The following REM1 variants were observed in gnomAD, a reference collection of about 807,000 sequenced individuals.
REM1 encodes RRAD and GEM like GTPase 1.
A neutral mutation model predicts 27.0 loss-of-function variants in REM1; 20 were observed. The observed-to-expected ratio is 0.74, with a 90% CI of 0.52 to 1.08. The LOEUF is 1.08. Ranked by LOEUF, REM1 falls within the 50% of genes least tolerant of loss-of-function variation. REM1 has a pLI of 0.00. For missense variants in REM1, 405 were observed against 407.0 expected (o/e 1.00, Z 0.04); for synonymous variants, 159 against 167.9 (o/e 0.95, Z 0.41).
At chr20:31,476,924 A>C in intron 2 of REM1, 139 bp downstream of exon 2, 1 of 699,388 alleles carries the variant, frequency 1.4e-6, no homozygotes, top group Non-Finnish European at 2.3e-6. Context: ...AGACTATGAC[A>C]TGCACGATGC....
In REM1 at chr20:31,484,154, C is replaced by A; in HGVS notation, c.626-5C>A. ...ACCCCTCCTCGCCGGGCCCCGCCCCCTTAGAGGGCCGCGCCTGCGCTGTGG... is the reference window on the plus strand; with the variant it reads ...ACCCCTCCTCGCCGGGCCCCGCCCCATTAGAGGGCCGCGCCTGCGCTGTGG... On this transcript the variant is annotated splice_region_variant and splice_polypyrimidine_tract_variant and intron_variant, in intron 4 of 4. Coordinates refer to ENST00000201979, the MANE Select transcript of REM1 (RefSeq NM_014012.6). The A allele has an allele frequency of 6.4e-7, 1 of 1,574,578 alleles. No individual in the cohort carries two copies.
At position 31,476,426 on chromosome 20, in the gene REM1, C is replaced by G; in HGVS notation, c.-20C>G. 6.5e-7 allele frequency: 1 copy of G among 1,531,680 alleles called. No individual in the cohort carries two copies. The highest frequency in any genetic ancestry group is 8.8e-7 in the Non-Finnish European group (1 of 1,140,238). 94.9% of individuals were successfully genotyped at this position (1,531,680 alleles called of 1,614,324 possible). A position where few individuals can be genotyped will look rare whatever the true frequency, so the allele number is the denominator to read the frequency against. ...CTTTCAGAAGGAAAGAAGGAAGAAG[C>G]AAACCCCCCCCTACCAAAGATGACA... is the stretch of plus-strand genomic sequence containing the variant. On this transcript the variant is annotated 5_prime_UTR_variant, in exon 2 of 5. Transcript: ENST00000201979.
rs371189147 is a variant in REM1 at position 31,476,382 on chromosome 20, T to C, written c.-64T>C. ...AAAGAAGCAGCTCAAAGCAATTGGC[T>C]GACAGCCAATTCCCCCTTCTTTCAG... On this transcript the variant is annotated 5_prime_UTR_variant, in exon 2 of 5. Transcript: ENST00000201979. The C allele has an allele frequency of 2.2e-6, 3 of 1,346,700 alleles. No homozygotes were observed. Among genetic ancestry groups the C allele is most frequent in the East Asian group, 4.6e-5 (2 of 43,292 alleles). 83.4% of individuals were successfully genotyped at this position (1,346,700 alleles called of 1,614,324 possible).
rs1358405412 is a variant in REM1 at position 31,484,762 on chromosome 20, T to C, written c.*332T>C. On this transcript the variant is annotated 3_prime_UTR_variant, in exon 5 of 5. Transcript: ENST00000201979. ...AACCAGACCAGAAGGATGTCCCATC[T>C]GAATGCCCAGACCTCTCCATCTCGG... 1.3e-5 allele frequency: 4 copies of C among 304,358 alleles called. No homozygotes were observed. Among genetic ancestry groups the C allele is most frequent in the Admixed American group, 5.2e-5 (1 of 19,412 alleles). The allele number at this position is 304,358 out of a possible 1,614,324, so 18.9% of individuals were successfully genotyped here. A position where few individuals can be genotyped will look rare whatever the true frequency, so the allele number is the denominator to read the frequency against.
chr20:31,484,792 TCCAGGCG>T lies in REM1; in HGVS notation c.*363_*369del. On this transcript the variant is annotated 3_prime_UTR_variant, in exon 5 of 5. Transcript: ENST00000201979. Reference sequence around the variant, plus strand: ...GCCCAGACCTCTCCATCTCGGCTCTTCCAGGCGTCTCCACCTACTGCCCTCCCATCTA... The same window carrying T: ...GCCCAGACCTCTCCATCTCGGCTCTTTCTCCACCTACTGCCCTCCCATCTA... 4.3e-6 allele frequency: 1 copy of T among 232,504 alleles called. No homozygotes were observed. The highest frequency in any genetic ancestry group is 1.2e-4 in the South Asian group (1 of 8,272). The allele number at this position is 232,504 out of a possible 1,614,324, so 14.4% of individuals were successfully genotyped here.
chr20:31,484,022 C>G, intron 4 of REM1, 137 bp from the exon 5 acceptor site: 1 of 987,114 alleles, frequency 1.0e-6, no homozygotes, highest in Non-Finnish European at 1.4e-6. Flanking sequence ...TCTGATTTAT[C>G]TGAGTCCCCA....
chr20:31,476,231 A>G lies in REM1; in HGVS notation c.-215A>G. ...ACTCCTTCCATCCGGATCCAGGTTT[A>G]TGCAGAGCCTGAGGCCAGAAAACCT... On this transcript the variant is annotated 5_prime_UTR_variant, in exon 2 of 5. An upstream start codon of the reference 5' UTR is lost. Transcript: ENST00000201979. 1.8e-6 allele frequency: 1 copy of G among 546,396 alleles called. No individual in the cohort carries two copies. The highest frequency in any genetic ancestry group is 2.8e-5 in the South Asian group (1 of 35,760). The allele number at this position is 546,396 out of a possible 1,614,324, so 33.8% of individuals were successfully genotyped here.
intron 1 of REM1, among the ~76,000 whole-genome samples, 171 bp from the exon 2 acceptor site, chr20:31,476,056 G>A (rs1372913827): frequency 6.6e-6 from 1 of 152,200 alleles, no homozygotes; most frequent in African/African-American, 2.4e-5. Context: ...GGGCAGGTCC[G>A]TGTACACGGA....
chr20:31,476,926 G>T (rs1477391870), intron 2 of REM1, 141 bp downstream of exon 2: 6 of 697,262 alleles, frequency 8.6e-6, no homozygotes, highest in Non-Finnish European at 1.4e-5. Context: ...ACTATGACAT[G>T]CACGATGCCC....
intron 3 of REM1, among the ~76,000 whole-genome samples, chr20:31,478,808 TCTACAAAATC>T (rs1980615509): frequency 6.6e-6 from 1 of 151,578 alleles, no homozygotes; most frequent in Non-Finnish European, 1.5e-5. Flanking sequence ...CAAACCCAGA[TCTACAAAATC>T]TTTGTAGATC....
intron 3 of REM1, among the ~76,000 whole-genome samples, chr20:31,482,016 G>T (rs1405350327): frequency 2.6e-5 from 4 of 152,182 alleles, no homozygotes; most frequent in Admixed American, 2.6e-4. Flanking sequence ...AATTTTGCCT[G>T]CACTACCCAG....
At position 31,475,739 on chromosome 20, in the gene REM1, C is replaced by T. The variant is rs149064059; in HGVS notation, c.-220+373C>T. Among the ~76,000 whole-genome samples, 11 of 152,350 alleles carry T rather than the reference C, an allele frequency of 7.2e-5. No homozygotes were observed. Among genetic ancestry groups the T allele is most frequent in the African/African-American group, 2.6e-4 (11 of 41,584 alleles). Reference sequence around the variant, plus strand: ...CAAAAGCAGTTGGAGGCCGTAGCGCCAGCCGCTCCTGAATTTTTCACACAG... The same window carrying T: ...CAAAAGCAGTTGGAGGCCGTAGCGCTAGCCGCTCCTGAATTTTTCACACAG... On this transcript the variant is annotated intron_variant, in intron 1 of 4. Transcript: ENST00000201979. The surrounding 1 kb of genome is among the most constrained non-coding windows in gnomAD (Gnocchi z 5.0).
At position 31,476,471 on chromosome 20, in the gene REM1, C is replaced by T. The variant is rs1980504452; in HGVS notation, c.26C>T (p.Ala9Val). The stretch of plus-strand genomic sequence containing the variant: ...ATGACACTCAACACCGAGCAGGAAG[C>T]AAAGACCCCTCTGCACCGGCGAGCC... MTLNTEQEAKTPLHRRAST... is the reference protein window; with the variant it reads MTLNTEQEVKTPLHRRAST... Residue 9 changes from alanine to valine, a missense_variant, in exon 2 of 5, where the codon GCA becomes GTA. Physicochemically the swap from Ala to Val is moderately conservative, Grantham distance 64. Transcript: ENST00000201979. The T allele has an allele frequency of 1.2e-6, 2 of 1,601,176 alleles. No homozygotes were observed. The highest frequency in any genetic ancestry group is 1.3e-5 in the African/African-American group (1 of 74,616).
intron 3 of REM1, among the ~76,000 whole-genome samples, chr20:31,481,361 C>T (rs1322547711): frequency 6.6e-6 from 1 of 152,126 alleles, no homozygotes; most frequent in East Asian, 1.9e-4. Flanking sequence ...TTAGCTCTGA[C>T]TGTTCCCTTT....
chr20:31,477,958 A>G lies in REM1; in HGVS notation c.423+48A>G, dbSNP rs200158835. 9.7e-5 allele frequency: 116 copies of G among 1,190,850 alleles called. No individual in the cohort carries two copies. In the African/African-American group the frequency reaches 1.5e-3, roughly 16 times the overall value. The allele number at this position is 1,190,850 out of a possible 1,614,324, so 73.8% of individuals were successfully genotyped here. On this transcript the variant is annotated intron_variant, in intron 3 of 4. Transcript: ENST00000201979. ...TGGGGAGAGGGGTGCTGAGCCTAAT[A>G]CTAGACTCCTTCCTGTCCCCTCCTG...
At chr20:31,480,266 C>G (rs1324603356) in intron 3 of REM1, among the ~76,000 whole-genome samples, 18 of 151,720 alleles carry the variant, frequency 1.2e-4, no homozygotes, top group African/African-American at 4.4e-4. Flanking sequence ...TACATACATA[C>G]ATACATACAT....
At chr20:31,477,748 CA>C (rs1189334978) in intron 2 of REM1, 79 bp from the exon 3 acceptor site, 1 of 1,051,632 alleles carries the variant, frequency 9.5e-7, no homozygotes. Flanking sequence ...GCGATATGAC[CA>C]GAAATGGGGG....
chr20:31,476,436 C>T lies in REM1; in HGVS notation c.-10C>T, dbSNP rs747917564. On this transcript the variant is annotated 5_prime_UTR_variant, in exon 2 of 5. Transcript: ENST00000201979. ...GAAAGAAGGAAGAAGCAAACCCCCCCCTACCAAAGATGACACTCAACACCG... is the reference window on the plus strand; with the variant it reads ...GAAAGAAGGAAGAAGCAAACCCCCCTCTACCAAAGATGACACTCAACACCG... 11 of 1,547,754 alleles carry T rather than the reference C, an allele frequency of 7.1e-6. No homozygotes were observed. Among genetic ancestry groups the T allele is most frequent in the South Asian group, 1.2e-5 (1 of 80,310 alleles).
At chr20:31,483,647 A>T (rs1432472697) in intron 4 of REM1, among the ~76,000 whole-genome samples, 1 of 152,058 alleles carries the variant, frequency 6.6e-6, no homozygotes, top group Non-Finnish European at 1.5e-5. Context: ...AGTAAAATCT[A>T]AAAAAATGTG....
Sources: allele counts gnomAD v4.1 joint callset (sites outside exome capture counted in the v4.1 genomes callset), GRCh38; gene constraint gnomAD v4.1.1; non-coding constraint Gnocchi (gnomAD v3.1); transcripts MANE v1.5; gene names NCBI Gene and HGNC (gene_info 2026-07-23, HGNC 2026-07-21).